SPEN: variants seen among roughly 807,000 people sequenced by gnomAD.
The protein encoded by SPEN is spen family transcriptional repressor.
SPEN carries 18 observed loss-of-function variants against 269.9 expected under a neutral mutation model. That is an observed-to-expected ratio of 0.07 (90% confidence interval 0.05 to 0.10). The LOEUF is 0.10. Among genes scored for constraint, SPEN ranks in the 10% least tolerant of loss-of-function variants. The pLI is 1.00. For synonymous variants in SPEN, 1,726 were observed against 1,765.7 expected (o/e 0.98, Z 0.56); for missense variants, 3,822 against 4,631.2 (o/e 0.83, Z 5.07).
chr1:15,893,246 T>C (rs1329062760), intron 3 of SPEN, among the ~76,000 whole-genome samples: 3 of 152,202 alleles, frequency 2.0e-5, no homozygotes, highest in Non-Finnish European at 4.4e-5. Flanking sequence ...AAGACAGAAA[T>C]AATACACATC....
rs1361639376 is a variant in SPEN, at chr1:15,936,066, A to G, written c.9826A>G (p.Asn3276Asp). The part of the protein sequence containing the change: ...EARILTVTPS[N>D]QLQGLPLTPP... ...CCGTATCCTCACAGTTACCCCCAGTAACCAACTCCAGGGGCTGCCTCTGAC... is the reference window on the plus strand; with the variant it reads ...CCGTATCCTCACAGTTACCCCCAGTGACCAACTCCAGGGGCTGCCTCTGAC... The change falls in exon 11 of 15, where the codon AAC (asparagine) becomes GAC (aspartate). Residue 3276 changes from asparagine (N) to aspartate (D), a missense_variant. Around this residue, in one of 16 missense-constraint regions of SPEN, gnomAD observed 359 missense variants for 377.3 expected, o/e 0.95. Transcript: ENST00000375759. 6.3e-7 allele frequency: 1 copy of G among 1,594,004 alleles called. No homozygotes were observed. The highest frequency in any genetic ancestry group is 1.7e-4 in the Middle Eastern group (1 of 6,006).
intron 1 of SPEN, among the ~76,000 whole-genome samples, chr1:15,862,010 C>T (rs2070453611): frequency 6.6e-6 from 1 of 152,158 alleles, no homozygotes; most frequent in African/African-American, 2.4e-5. Context: ...CCACTTTACT[C>T]CAGCCTGGGT....
intron 1 of SPEN, among the ~76,000 whole-genome samples, chr1:15,857,109 C>G (rs891572584): frequency 6.6e-6 from 1 of 151,740 alleles, no homozygotes; most frequent in Non-Finnish European, 1.5e-5. Context: ...GTCACCCATG[C>G]TGGAGTGCAG....
intron 2 of SPEN, chr1:15,874,449 T>A (rs2070611872): frequency 8.0e-7 from 1 of 1,255,542 alleles, no homozygotes. Flanking sequence ...CAAGTCAAAC[T>A]CTCTTTTTTT....
chr1:15,895,941 C>G (rs1213250087), intron 3 of SPEN, among the ~76,000 whole-genome samples: 2 of 152,028 alleles, frequency 1.3e-5, no homozygotes, highest in Non-Finnish European at 2.9e-5. Flanking sequence ...GTCTCGGCCT[C>G]CCAAAGTGCT....
intron 1 of SPEN, among the ~76,000 whole-genome samples, chr1:15,860,442 A>AGTGTGTGT (rs71574142): frequency 1.6e-3 from 198 of 120,084 alleles, no homozygotes; most frequent in Middle Eastern, 4.7e-3. Context: ...GTCCCACTGT[A>AGTGTGTGT]GTGTGTGTGT....
intron 3 of SPEN, among the ~76,000 whole-genome samples, chr1:15,896,514 A>AC (rs1237100963): frequency 6.6e-6 from 1 of 152,092 alleles, no homozygotes; most frequent in East Asian, 1.9e-4. Flanking sequence ...CACTTTAGTG[A>AC]CCATCAACAC....
chr1:15,892,012 CTTTTTT>C (rs71003216), intron 3 of SPEN, among the ~76,000 whole-genome samples: 25 of 74,570 alleles, frequency 3.4e-4, no homozygotes, highest in East Asian at 1.5e-3. Flanking sequence ...TTTCTTTTTA[CTTTTTT>C]TTTTTTTTTT....
In SPEN at chr1:15,876,420, A is replaced by T. The variant is rs765234202; in HGVS notation, c.623A>T (p.Gln208Leu). Reference sequence around the variant, plus strand: ...CGATATGAACCTAGGGCTCGCGAGCAGTTTACACTGCCCAGTGTGGTACAC... The same window carrying T: ...CGATATGAACCTAGGGCTCGCGAGCTGTTTACACTGCCCAGTGTGGTACAC... ...DPRYEPRARE[Q>L]FTLPSVVHRD... The change falls in exon 3 of 15, where the codon CAG becomes CTG. Residue 208 changes from glutamine (Q) to leucine (L), a missense_variant. Gln to Leu is a moderately radical substitution (Grantham distance 113). Around this residue, in one of 16 missense-constraint regions of SPEN, gnomAD observed 327 missense variants for 350.8 expected, o/e 0.93. Transcript: ENST00000375759. 6.2e-7 allele frequency: 1 copy of T among 1,614,156 alleles called. No homozygotes were observed. Among genetic ancestry groups the T allele is most frequent in the Non-Finnish European group, 8.5e-7 (1 of 1,180,034 alleles).
Position 15,911,094 on chromosome 1 carries a change from A to G in SPEN, c.1043-7A>G. The G allele has an allele frequency of 6.3e-7, 1 of 1,590,646 alleles. No homozygotes were observed. Among genetic ancestry groups the G allele is most frequent in the East Asian group, 2.2e-5 (1 of 44,724 alleles). ...AATTAATAACTTGGTTTTTTTTGGG[A>G]ATTTAGATACAAGCCTTAAAGATGG... On this transcript the variant is annotated splice_polypyrimidine_tract_variant and splice_region_variant and intron_variant, in intron 4 of 14. Coordinates refer to ENST00000375759, the MANE Select transcript of SPEN (RefSeq NM_015001.3).
intron 1 of SPEN, among the ~76,000 whole-genome samples, chr1:15,861,257 A>G (rs2070445458): frequency 6.7e-6 from 1 of 150,066 alleles, no homozygotes; most frequent in South Asian, 2.1e-4. Context: ...TCAGCCTCCC[A>G]AGTACCTAGG....
Position 15,928,070 on chromosome 1 carries a change from A to G in SPEN, c.1851-21A>G. ...GTGATGAGGAAACAAAAGAACTAAT[A>G]TCTTTGTTATTTTTTGGCAGAGAGG... On this transcript the variant is annotated intron_variant, in intron 10 of 14. Transcript: ENST00000375759. This position sits in a 1 kb window ranked among gnomAD's most constrained non-coding sequence, Gnocchi z 5.7. 1.3e-6 allele frequency: 2 copies of G among 1,567,176 alleles called. No homozygotes were observed. The highest frequency in any genetic ancestry group is 1.7e-6 in the Non-Finnish European group (2 of 1,153,572).
Position 15,929,943 on chromosome 1 carries a change from T to A in SPEN, c.3703T>A (p.Phe1235Ile). The A allele has an allele frequency of 6.2e-7, 1 of 1,614,174 alleles. No homozygotes were observed. The highest frequency in any genetic ancestry group is 1.1e-5 in the South Asian group (1 of 91,082). ...SKKKRMDHVD[F>I]DICTKRERNY... ...AAAGAAAAGGATGGATCATGTCGAT[T>A]TTGATATCTGCACCAAGCGAGAACG... Residue 1235 changes from phenylalanine (F) to isoleucine (I), a missense_variant, in exon 11 of 15, where the codon TTT becomes ATT. Physicochemically the swap from Phe to Ile is conservative, Grantham distance 21. Around this residue, in one of 16 missense-constraint regions of SPEN, gnomAD observed 267 missense variants for 315.5 expected, o/e 0.85. Transcript: ENST00000375759. This position sits in a 1 kb window ranked among gnomAD's most constrained non-coding sequence, Gnocchi z 5.8.
intron 1 of SPEN, among the ~76,000 whole-genome samples, chr1:15,858,801 G>A (rs542904323): frequency 6.6e-6 from 1 of 152,012 alleles, no homozygotes; most frequent in South Asian, 2.1e-4. Flanking sequence ...AAAAAAACCC[G>A]GGCACGATGG....
Position 15,891,585 on chromosome 1 carries a change from C to T in SPEN, c.881+14907C>T, listed in dbSNP as rs2070789564. Reference sequence around the variant, plus strand: ...CAGGATGGTCTTGATCTCCTGACCTCGTGATCTGCCCACCTCAGCCTCCCA... The same window carrying T: ...CAGGATGGTCTTGATCTCCTGACCTTGTGATCTGCCCACCTCAGCCTCCCA... On this transcript the variant is annotated intron_variant, in intron 3 of 14. Coordinates refer to ENST00000375759, the MANE Select transcript of SPEN (RefSeq NM_015001.3). 2.6e-5 allele frequency among the ~76,000 whole-genome samples: 4 copies of T among 151,886 alleles called. 1 individual carries two copies. Among genetic ancestry groups the T allele is most frequent in the South Asian group, 2.1e-4 (1 of 4,824 alleles).
chr1:15,858,083 G>A (rs555470215), intron 1 of SPEN, among the ~76,000 whole-genome samples: 3 of 152,160 alleles, frequency 2.0e-5, no homozygotes, highest in South Asian at 2.1e-4. Context: ...AGCCGAGATC[G>A]TGCCACTGTA....
In SPEN at chr1:15,928,258, A is replaced by G. The variant is rs778851515; in HGVS notation, c.2018A>G (p.Tyr673Cys). The G allele has an allele frequency of 3.5e-5, 56 of 1,614,198 alleles. No homozygotes were observed. Among genetic ancestry groups the G allele is most frequent in the Non-Finnish European group, 4.7e-5 (55 of 1,180,032 alleles). ...TYQGDYYESR[Y>C]YDDPREYRDY... is the part of the protein sequence containing the mutation. ...CAAGGAGACTACTATGAATCACGAT[A>G]CTACGATGATCCTCGGGAATACAGG... The change falls in exon 11 of 15, where the codon TAC (tyrosine) becomes TGC (cysteine). Residue 673 changes from tyrosine (Y) to cysteine (C), a missense_variant. This residue lies in a region of SPEN where 572 missense variants were observed against 582.6 expected (regional missense o/e 0.98). Transcript: ENST00000375759. The surrounding 1 kb of genome is among the most constrained non-coding windows in gnomAD (Gnocchi z 5.7).
intron 9 of SPEN, 78 bp from the exon 10 acceptor site, chr1:15,922,168 TGAA>T: frequency 9.3e-7 from 1 of 1,076,154 alleles, no homozygotes; most frequent in Non-Finnish European, 1.4e-6. Context: ...GGCTATGTTG[TGAA>T]GAATTTACAA....
Position 15,932,438 on chromosome 1 carries a change from A to T in SPEN, c.6198A>T (p.Lys2066Asn), listed in dbSNP as rs1341771599. The change falls in exon 11 of 15, where the codon AAA (lysine) becomes AAT (asparagine). Residue 2066 changes from lysine (K) to asparagine (N), a missense_variant. Lys to Asn is a moderately conservative substitution (Grantham distance 94). This residue lies in a region of SPEN where 727 missense variants were observed against 737.9 expected (regional missense o/e 0.99). Transcript: ENST00000375759. The surrounding 1 kb of genome is among the most constrained non-coding windows in gnomAD (Gnocchi z 4.2). ...ETAPVEVVEK[K>N]PAPEKNSKSK... is the part of the protein sequence containing the mutation. ...CCCCTGTTGAAGTTGTAGAGAAAAA[A>T]CCGGCCCCTGAAAAAAACTCCAAAT... is the stretch of plus-strand genomic sequence containing the variant. The T allele has an allele frequency of 4.3e-6, 7 of 1,613,404 alleles. No homozygotes were observed. The highest frequency in any genetic ancestry group is 5.1e-6 in the Non-Finnish European group (6 of 1,179,814).
Sources: gnomAD v4.1 joint callset for allele counts (sites outside exome capture counted in the v4.1 genomes callset) on GRCh38, gnomAD v4.1.1 for gene constraint, gnomAD v4.1.1 regional missense constraint, Gnocchi (gnomAD v3.1) non-coding constraint, MANE v1.5 for transcripts, NCBI Gene and HGNC (gene_info 2026-07-23, HGNC 2026-07-21) for gene names.